The following EXOC6B variants were observed in gnomAD, a reference collection of about 807,000 sequenced individuals.
The protein encoded by EXOC6B is exocyst complex component 6B, also known as SEC15 homolog B.
Under a neutral mutation model 113.5 loss-of-function variants are expected in EXOC6B, and 54 were observed. That is an observed-to-expected ratio of 0.48 (90% confidence interval 0.38 to 0.60). The LOEUF (loss-of-function observed/expected upper bound fraction) is 0.60. Ranked by LOEUF, EXOC6B falls within the 20% of genes least tolerant of loss-of-function variation. EXOC6B has a pLI of 0.00. For synonymous variants in EXOC6B, 357 were observed against 339.0 expected (o/e 1.05, Z -0.58); for missense variants, 797 against 977.5 (o/e 0.82, Z 2.46).
At chr2:72,642,197 T>C (rs1170430888) in intron 6 of EXOC6B, among the ~76,000 whole-genome samples, 2 of 151,292 alleles carry the variant, frequency 1.3e-5, no homozygotes, top group African/African-American at 4.9e-5. Context: ...CCCAAGGTAA[T>C]TTACAGATTC....
chr2:72,710,650 T>C (rs1679212977), intron 6 of EXOC6B, among the ~76,000 whole-genome samples: 1 of 152,184 alleles, frequency 6.6e-6, no homozygotes, highest in Non-Finnish European at 1.5e-5. Context: ...TACTTTTACG[T>C]GGTGGTGAAT....
intron 18 of EXOC6B, among the ~76,000 whole-genome samples, chr2:72,436,121 T>G (rs542654343): frequency 1.3e-5 from 2 of 152,354 alleles, no homozygotes; most frequent in African/African-American, 4.8e-5. Flanking sequence ...AGCATTTGCT[T>G]ATCTTTAAAG....
intron 1 of EXOC6B, among the ~76,000 whole-genome samples, chr2:72,802,642 A>C (rs1302921374): frequency 2.0e-5 from 3 of 152,308 alleles, no homozygotes; most frequent in Non-Finnish European, 4.4e-5. Flanking sequence ...ATATAGTCGT[A>C]TTATTTCAAA....
At chr2:72,604,554 A>T (rs1450670530) in intron 6 of EXOC6B, among the ~76,000 whole-genome samples, 1 of 152,228 alleles carries the variant, frequency 6.6e-6, no homozygotes, top group Non-Finnish European at 1.5e-5. Context: ...CTAAAGTTTA[A>T]AGAAGTGCTT....
At chr2:72,280,883 G>A (rs537193665) in intron 20 of EXOC6B, among the ~76,000 whole-genome samples, 91 of 152,156 alleles carry the variant, frequency 6.0e-4, no homozygotes, top group Non-Finnish European at 1.1e-3. Flanking sequence ...GATGATGCCA[G>A]GGGAGCAAGA....
At chr2:72,407,913 G>A (rs1693892183) in intron 18 of EXOC6B, among the ~76,000 whole-genome samples, 1 of 152,300 alleles carries the variant, frequency 6.6e-6, no homozygotes, top group South Asian at 2.1e-4. Context: ...GAGGAAAAGA[G>A]GAAGTCAAAT....
intron 6 of EXOC6B, among the ~76,000 whole-genome samples, chr2:72,652,980 T>C (rs915908322): frequency 6.6e-6 from 1 of 151,792 alleles, no homozygotes; most frequent in Non-Finnish European, 1.5e-5. Context: ...ACCTCAGTTA[T>C]ATATATTTTT....
intron 20 of EXOC6B, among the ~76,000 whole-genome samples, chr2:72,317,822 A>G (rs886600625): frequency 5.3e-5 from 8 of 152,168 alleles, no homozygotes; most frequent in South Asian, 2.1e-4. Context: ...ACTAAATACT[A>G]AAGACTACTA....
At chr2:72,791,159 T>G (rs2105034981) in intron 1 of EXOC6B, among the ~76,000 whole-genome samples, 1 of 152,268 alleles carries the variant, frequency 6.6e-6, no homozygotes, top group South Asian at 2.1e-4. Flanking sequence ...ATGATAAACG[T>G]TTGAGATGAT....
intron 6 of EXOC6B, among the ~76,000 whole-genome samples, chr2:72,676,494 T>C (rs889758280): frequency 6.6e-6 from 1 of 152,174 alleles, no homozygotes; most frequent in African/African-American, 2.4e-5. Context: ...GCCCTACATA[T>C]TACGCAGTAA....
intron 20 of EXOC6B, among the ~76,000 whole-genome samples, chr2:72,331,528 T>A (rs1322723325): frequency 6.6e-6 from 1 of 152,120 alleles, no homozygotes; most frequent in Non-Finnish European, 1.5e-5. Flanking sequence ...GCCTTTAAGC[T>A]ACCCTTCTCA....
At chr2:72,691,670 G>A (rs374822586) in intron 6 of EXOC6B, among the ~76,000 whole-genome samples, 1 of 150,416 alleles carries the variant, frequency 6.6e-6, no homozygotes, top group Admixed American at 6.6e-5. Flanking sequence ...TCAATACAAT[G>A]TTGTATATCT....
chr2:72,422,220 C>T (rs1267868195), intron 18 of EXOC6B, among the ~76,000 whole-genome samples: 4 of 152,314 alleles, frequency 2.6e-5, no homozygotes, highest in Admixed American at 6.5e-5. Context: ...AAGCACCCGG[C>T]GCGGGACTGG....
intron 6 of EXOC6B, among the ~76,000 whole-genome samples, chr2:72,709,867 A>T (rs1679157714): frequency 6.6e-6 from 1 of 152,092 alleles, no homozygotes; most frequent in South Asian, 2.1e-4. Context: ...CTGAAAATAT[A>T]GCTTTAAAAA....
chr2:72,658,944 A>T (rs539088291), intron 6 of EXOC6B, among the ~76,000 whole-genome samples: 1 of 152,194 alleles, frequency 6.6e-6, no homozygotes, highest in South Asian at 2.1e-4. Context: ...AGCACGAAAT[A>T]TAGTACATTT....
chr2:72,706,708 C>T (rs1439798694), intron 6 of EXOC6B, among the ~76,000 whole-genome samples: 3 of 152,134 alleles, frequency 2.0e-5, no homozygotes, highest in Non-Finnish European at 2.9e-5. Context: ...CCTAGGACGA[C>T]ATTCAGACTA....
At chr2:72,277,532 T>C (rs1684873647) in intron 20 of EXOC6B, among the ~76,000 whole-genome samples, 1 of 152,050 alleles carries the variant, frequency 6.6e-6, no homozygotes, top group African/African-American at 2.4e-5. Flanking sequence ...TCACCCATGC[T>C]GGAGTGCAGA....
chr2:72,591,189 C>CTA (rs541104455), intron 6 of EXOC6B, among the ~76,000 whole-genome samples: 38 of 152,046 alleles, frequency 2.5e-4, no homozygotes, highest in Non-Finnish European at 4.7e-4. Context: ...GACCATCTGT[C>CTA]TACATATGTG....
At chr2:72,222,094 G>T (rs538424829) in intron 20 of EXOC6B, among the ~76,000 whole-genome samples, 4 of 152,196 alleles carry the variant, frequency 2.6e-5, no homozygotes, top group African/African-American at 9.7e-5. Context: ...GCTTCATGGA[G>T]AATTCACTAA....
Sources: allele counts gnomAD v4.1 joint callset (sites outside exome capture counted in the v4.1 genomes callset), GRCh38; gene constraint gnomAD v4.1.1; transcripts MANE v1.5; gene names NCBI Gene and HGNC (gene_info 2026-07-23, HGNC 2026-07-21).